COBL: variants seen among roughly 807,000 people sequenced by gnomAD.
The protein encoded by COBL is protein cordon-bleu.
A neutral mutation model predicts 98.8 loss-of-function variants in COBL; 51 were observed. The ratio of observed to expected loss-of-function variants is 0.52; its 90% CI spans 0.41 to 0.65. COBL has a LOEUF of 0.65. Ranked by LOEUF, COBL falls within the 30% of genes least tolerant of loss-of-function variation. COBL has a pLI of 0.00. For missense variants in COBL, 1,617 were observed against 1,617.5 expected (o/e 1.00, Z 0.01); for synonymous variants, 634 against 651.7 (o/e 0.97, Z 0.41).
Position 51,162,532 on chromosome 7 carries a change from TAG to T in COBL, c.783+21568_783+21569del, listed in dbSNP as rs1227206413. Among the ~76,000 whole-genome samples, 14 of 152,302 alleles carry T rather than the reference TAG, an allele frequency of 9.2e-5. No individual in the cohort carries two copies. In the East Asian group the frequency reaches 2.7e-3, roughly 29 times the overall value. ...TTTTTTTAATGCAAATCTATTCTCA[TAG>T]AGTCTTCAAGTTACAGACATAATAA... is the stretch of plus-strand genomic sequence containing the variant. On this transcript the variant is annotated intron_variant, in intron 5 of 12. Transcript: ENST00000265136.
intron 1 of COBL, among the ~76,000 whole-genome samples, chr7:51,301,085 T>C (rs924451648): frequency 1.3e-5 from 2 of 151,962 alleles, no homozygotes; most frequent in Admixed American, 1.3e-4. Flanking sequence ...AGATGAGGAG[T>C]GAGTGCGGTG....
At chr7:51,305,862 C>T (rs990336433) in intron 1 of COBL, among the ~76,000 whole-genome samples, 2 of 152,018 alleles carry the variant, frequency 1.3e-5, no homozygotes, top group Non-Finnish European at 2.9e-5. Flanking sequence ...GGTGAAGACC[C>T]GTCTCTACTA....
At chr7:51,103,562 CTATTT>C (rs1554387992) in intron 6 of COBL, among the ~76,000 whole-genome samples, 1 of 152,102 alleles carries the variant, frequency 6.6e-6, no homozygotes, top group Non-Finnish European at 1.5e-5. Context: ...AAAATTCGTA[CTATTT>C]TAAAGTGGCT....
At chr7:51,258,837 GC>G (rs1797431079) in intron 1 of COBL, among the ~76,000 whole-genome samples, 1 of 152,096 alleles carries the variant, frequency 6.6e-6, no homozygotes, top group South Asian at 2.1e-4. Context: ...AATGACCACA[GC>G]AATACAGTTT....
chr7:51,198,835 C>A (rs1042065520), intron 2 of COBL, among the ~76,000 whole-genome samples: 2 of 152,208 alleles, frequency 1.3e-5, no homozygotes, highest in African/African-American at 4.8e-5. Context: ...GCCTGCCATG[C>A]ACAGAAGTTC....
intron 2 of COBL, among the ~76,000 whole-genome samples, chr7:51,215,376 T>G (rs1173371989): frequency 6.6e-6 from 1 of 152,176 alleles, no homozygotes; most frequent in Admixed American, 6.5e-5. Context: ...CATGTTTTTG[T>G]TTTTTTCAGC....
At chr7:51,042,763 C>T (rs776609100) in intron 8 of COBL, among the ~76,000 whole-genome samples, 3 of 152,220 alleles carry the variant, frequency 2.0e-5, no homozygotes, top group African/African-American at 4.8e-5. Flanking sequence ...GCTCATCCTT[C>T]CTAATCAGAG....
At chr7:51,295,115 C>T (rs932490591) in intron 1 of COBL, among the ~76,000 whole-genome samples, 5 of 151,880 alleles carry the variant, frequency 3.3e-5, no homozygotes, top group African/African-American at 7.3e-5. Context: ...GTTGAAACCC[C>T]ATCTCTACAA....
In COBL at chr7:51,281,280, A is replaced by C. The variant is rs987653021; in HGVS notation, c.41+35313T>G. On this transcript the variant is annotated intron_variant, in intron 1 of 12. Transcript: ENST00000265136. ...TAAAGAGGAAGGACTGTAAAAATGA[A>C]CAGGCATAGGGACCTATGGGGCAAT... is the stretch of plus-strand genomic sequence containing the variant. Among the ~76,000 whole-genome samples the C allele has an allele frequency of 1.1e-4, 16 of 152,222 alleles. 1 individual carries two copies. Among genetic ancestry groups the C allele is most frequent in the Admixed American group, 7.9e-4 (12 of 15,286 alleles).
intron 5 of COBL, among the ~76,000 whole-genome samples, chr7:51,157,303 G>C (rs968984540): frequency 6.6e-6 from 1 of 152,216 alleles, no homozygotes; most frequent in African/African-American, 2.4e-5. Flanking sequence ...AACCCAGGAG[G>C]CAGAGGTTGC....
At chr7:51,067,915 G>A (rs1365061200) in intron 7 of COBL, among the ~76,000 whole-genome samples, 3 of 152,224 alleles carry the variant, frequency 2.0e-5, no homozygotes, top group South Asian at 2.1e-4. Context: ...TCTTAAATAA[G>A]CAGCCCCTTC....
At chr7:51,260,461 G>T (rs1185011396) in intron 1 of COBL, among the ~76,000 whole-genome samples, 1 of 152,156 alleles carries the variant, frequency 6.6e-6, no homozygotes, top group South Asian at 2.1e-4. Context: ...AGGATAACAG[G>T]ATCCCTCCCT....
At chr7:51,302,046 C>T (rs902802689) in intron 1 of COBL, among the ~76,000 whole-genome samples, 15 of 152,134 alleles carry the variant, frequency 9.9e-5, no homozygotes, top group African/African-American at 3.4e-4. Flanking sequence ...CGTGGCCCTC[C>T]CCGAGGGCAG....
chr7:51,131,994 T>C (rs1359546366), intron 6 of COBL, among the ~76,000 whole-genome samples: 6 of 152,212 alleles, frequency 3.9e-5, no homozygotes, highest in Non-Finnish European at 1.5e-5. Context: ...TGTTTGTAGT[T>C]TGTGGCTGAG....
intron 6 of COBL, among the ~76,000 whole-genome samples, chr7:51,123,636 T>C (rs988491433): frequency 6.6e-6 from 1 of 152,216 alleles, no homozygotes; most frequent in Non-Finnish European, 1.5e-5. Flanking sequence ...GGGGTACATT[T>C]TTCCTTCAAG....
chr7:51,153,922 G>C (rs1342340848), intron 5 of COBL, among the ~76,000 whole-genome samples: 1 of 152,190 alleles, frequency 6.6e-6, no homozygotes. Flanking sequence ...CTGGATGGGA[G>C]GTACATGTAA....
intron 2 of COBL, among the ~76,000 whole-genome samples, chr7:51,218,595 T>C (rs1426537222): frequency 6.6e-6 from 1 of 152,200 alleles, no homozygotes; most frequent in Non-Finnish European, 1.5e-5. Context: ...TGCCTCAGCC[T>C]CCCAAGTAGC....
chr7:51,126,096 G>A (rs1028861342), intron 6 of COBL, among the ~76,000 whole-genome samples: 2 of 152,178 alleles, frequency 1.3e-5, no homozygotes, highest in Non-Finnish European at 2.9e-5. Context: ...GGGAGGCCGA[G>A]GTGAACAGAT....
At chr7:51,275,667 G>A (rs1032888927) in intron 1 of COBL, among the ~76,000 whole-genome samples, 13 of 151,986 alleles carry the variant, frequency 8.6e-5, no homozygotes, top group Non-Finnish European at 1.6e-4. Context: ...ACCACCAGCC[G>A]CCACCAGCCA....
Sources: gnomAD v4.1 joint callset for allele counts (sites outside exome capture counted in the v4.1 genomes callset) on GRCh38, gnomAD v4.1.1 for gene constraint, MANE v1.5 for transcripts, NCBI Gene and HGNC (gene_info 2026-07-23, HGNC 2026-07-21) for gene names.